Variants in ZSCAN5A observed in about 807,000 individuals in gnomAD.
ZSCAN5A encodes the protein zinc finger and SCAN domain containing 5A, also known as zinc finger and SCAN domain-containing protein 5A.
In ZSCAN5A, 12 loss-of-function variants were observed where a neutral mutation model predicts 23.7. The ratio of observed to expected loss-of-function variants is 0.51; its 90% CI spans 0.32 to 0.82. The LOEUF (loss-of-function observed/expected upper bound fraction) is 0.82, where lower values mean the gene tolerates loss of function less well. ZSCAN5A is among the 40% of genes least tolerant of loss of function. The pLI is 0.03. For missense variants in ZSCAN5A, 597 were observed against 617.9 expected, an observed-to-expected ratio of 0.97 and a Z score of 0.36; for synonymous variants, 257 against 239.9, an observed-to-expected ratio of 1.07 and a Z score of -0.66.
chr19:56,301,005 A>AG (rs1239355560), intron 2 of ZSCAN5A, among the ~76,000 whole-genome samples: 4 of 152,110 alleles, frequency 2.6e-5, no homozygotes, highest in Admixed American at 2.6e-4. Flanking sequence ...TAGTGGGCAG[A>AG]GGCAGCCATC....
chr19:56,236,498 C>T (rs1200882957), intron 2 of ZSCAN5A, among the ~76,000 whole-genome samples: 2 of 43,580 alleles, frequency 4.6e-5, no homozygotes, highest in African/African-American at 1.7e-4. Flanking sequence ...CTCTGATGGA[C>T]GGTGGGCCAA....
intron 2 of ZSCAN5A, among the ~76,000 whole-genome samples, chr19:56,353,496 G>A (rs1256400830): frequency 4.6e-5 from 7 of 152,162 alleles, no homozygotes; most frequent in East Asian, 1.9e-4. Flanking sequence ...GAGGCCGGGC[G>A]CGGTGGCTCA....
chr19:56,245,273 G>C (rs61742742), intron 2 of ZSCAN5A: 6 of 707,524 alleles, frequency 8.5e-6, no homozygotes, highest in Non-Finnish European at 1.0e-5. Flanking sequence ...ATCAGATGTC[G>C]AGATGGCTGA....
chr19:56,346,710 A>T (rs7256542), intron 2 of ZSCAN5A, among the ~76,000 whole-genome samples: 10,632 of 148,192 alleles, frequency 0.072, 607 homozygotes, highest in African/African-American at 0.16. Flanking sequence ...ACTTTTTTTT[A>T]TTTTTTATTT....
chr19:56,288,678 T>G (rs2039305505), intron 2 of ZSCAN5A, among the ~76,000 whole-genome samples: 1 of 152,158 alleles, frequency 6.6e-6, no homozygotes, highest in South Asian at 2.1e-4. Flanking sequence ...CGTGACTGAG[T>G]GCTTAAGTCT....
chr19:56,291,437 G>A (rs900586048), intron 2 of ZSCAN5A, among the ~76,000 whole-genome samples: 1 of 152,196 alleles, frequency 6.6e-6, no homozygotes, highest in African/African-American at 2.4e-5. Context: ...CCAGCCTATC[G>A]CATTAATCTG....
At chr19:56,255,000 G>T (rs2036599506) in intron 2 of ZSCAN5A, among the ~76,000 whole-genome samples, 2 of 151,952 alleles carry the variant, frequency 1.3e-5, no homozygotes, top group Admixed American at 6.6e-5. Flanking sequence ...CTTTCACTCT[G>T]TTGATTGTGA....
intron 2 of ZSCAN5A, chr19:56,272,641 GAA>G: frequency 6.6e-6 from 1 of 152,378 alleles, no homozygotes; most frequent in Non-Finnish European, 1.5e-5. Context: ...GCTTTAAGAT[GAA>G]AAAGCAGATA....
At chr19:56,364,591 C>T (rs1273400495) in intron 1 of ZSCAN5A, among the ~76,000 whole-genome samples, 1 of 152,172 alleles carries the variant, frequency 6.6e-6, no homozygotes, top group African/African-American at 2.4e-5. Context: ...GACCCTACCT[C>T]TATTACAAGA....
chr19:56,309,835 G>A (rs1282084855), intron 2 of ZSCAN5A, among the ~76,000 whole-genome samples: 1 of 152,208 alleles, frequency 6.6e-6, no homozygotes, highest in Non-Finnish European at 1.5e-5. Context: ...GTTTCTAGAA[G>A]AGCCCTGCTC....
At chr19:56,289,052 G>T (rs2039335814) in intron 2 of ZSCAN5A, among the ~76,000 whole-genome samples, 1 of 152,162 alleles carries the variant, frequency 6.6e-6, no homozygotes, top group Admixed American at 6.6e-5. Flanking sequence ...TTCTGCCAAA[G>T]AATCTAAGCT....
intron 2 of ZSCAN5A, chr19:56,340,690 A>C (rs2041585617): frequency 6.6e-6 from 1 of 152,246 alleles, no homozygotes; most frequent in Non-Finnish European, 1.5e-5. Context: ...CTTAGCTGTT[A>C]GAGCCTTCAT....
chr19:56,279,120 C>T (rs541770063), intron 2 of ZSCAN5A, among the ~76,000 whole-genome samples: 4 of 152,272 alleles, frequency 2.6e-5, no homozygotes, highest in South Asian at 2.1e-4. Flanking sequence ...TGAGAATAAA[C>T]GTCTTACTGC....
intron 2 of ZSCAN5A, among the ~76,000 whole-genome samples, chr19:56,242,707 G>A (rs917389958): frequency 5.3e-5 from 8 of 152,232 alleles, no homozygotes; most frequent in Admixed American, 2.0e-4. Flanking sequence ...CTGATGCCTG[G>A]AGAGTATCAC....
In ZSCAN5A at chr19:56,221,822, T is replaced by C; in HGVS notation, c.1244A>G (p.Asp415Gly). 1 of 1,614,120 alleles carries C rather than the reference T, an allele frequency of 6.2e-7. No homozygotes were observed. The highest frequency in any genetic ancestry group is 8.5e-7 in the Non-Finnish European group (1 of 1,179,970). The stretch of plus-strand genomic sequence containing the variant: ...CTGGGTGAACTGCTTCTGGCAGACG[T>C]CACACGTGTAGGGCCTCTCGCCAGT... ...THTGERPYTC[D>G]VCQKQFTQKS... The change falls in exon 6 of 6, where the codon GAC (aspartate) becomes GGC (glycine). Residue 415 changes from aspartate to glycine, a missense_variant. Physicochemically the swap from Asp to Gly is moderately conservative, Grantham distance 94. This residue lies in a region of ZSCAN5A where 406 missense variants were observed against 353.2 expected (regional missense o/e 1.15). Transcript: ENST00000683990.
At chr19:56,344,170 A>G (rs1316050942) in intron 2 of ZSCAN5A, among the ~76,000 whole-genome samples, 1 of 152,238 alleles carries the variant, frequency 6.6e-6, no homozygotes, top group Non-Finnish European at 1.5e-5. Flanking sequence ...AGGCCAAACA[A>G]ACTTTGGGAG....
intron 2 of ZSCAN5A, chr19:56,274,938 GT>G (rs1408846198): frequency 6.6e-6 from 1 of 152,148 alleles, no homozygotes; most frequent in Non-Finnish European, 1.5e-5. Context: ...CTGATCAGTT[GT>G]TTTGCAGAAT....
chr19:56,236,960 C>T (rs2034981724), intron 2 of ZSCAN5A, among the ~76,000 whole-genome samples: 1 of 152,154 alleles, frequency 6.6e-6, no homozygotes, highest in Non-Finnish European at 1.5e-5. Context: ...GGACGGTGGG[C>T]CAAGTCTCCA....
At chr19:56,228,328 AT>A (rs1365823717) in intron 2 of ZSCAN5A, 1 of 985,136 alleles carries the variant, frequency 1.0e-6, no homozygotes, top group Admixed American at 6.2e-5. Context: ...AACTGCGTCT[AT>A]TTATGGAGAA....
Sources: gnomAD v4.1 joint callset for allele counts (sites outside exome capture counted in the v4.1 genomes callset) on GRCh38, gnomAD v4.1.1 for gene constraint, gnomAD v4.1.1 regional missense constraint, MANE v1.5 for transcripts, NCBI Gene and HGNC (gene_info 2026-07-23, HGNC 2026-07-21) for gene names.